The following LYZL1 variants were observed in gnomAD, a reference collection of about 807,000 sequenced individuals.
LYZL1 encodes lysozyme-like protein 1.
A neutral mutation model predicts 17.9 loss-of-function variants in LYZL1; 16 were observed. That is an observed-to-expected ratio of 0.90 (90% confidence interval 0.61 to 1.36). The LOEUF is 1.36. LYZL1 is among the 40% of genes most tolerant of loss of function. LYZL1 has a pLI of 0.00. For missense variants in LYZL1, 149 were observed against 188.4 expected, an observed-to-expected ratio of 0.79 and a Z score of 1.22; for synonymous variants, 58 against 71.8, an observed-to-expected ratio of 0.81 and a Z score of 0.97.
At chr10:29,289,412 C>A (rs1335844165) in intron 1 of LYZL1, among the ~76,000 whole-genome samples, 182 bp downstream of exon 1, 1 of 139,198 alleles carries the variant, frequency 7.2e-6, no homozygotes, top group Non-Finnish European at 1.5e-5. Context: ...TTTCTTTTTT[C>A]TTTTCTTTTT....
Position 29,310,256 on chromosome 10 carries a change from T to C in LYZL1, c.377+68T>C. The C allele has an allele frequency of 2.4e-6, 3 of 1,244,250 alleles. No homozygotes were observed. In the South Asian group the frequency reaches 3.9e-5, roughly 16 times the overall value. 77.1% of individuals were successfully genotyped at this position (1,244,250 alleles called of 1,614,324 possible). A position where few individuals can be genotyped will look rare whatever the true frequency, so the allele number is the denominator to read the frequency against. ...ACCTAGTGTGTGTATTTATCACAGT[T>C]ATGGTGGAATTGACAAACTCACCTC... On this transcript the variant is annotated intron_variant, in intron 4 of 4. Coordinates refer to ENST00000649382, the MANE Select transcript of LYZL1 (RefSeq NM_032517.6).
In LYZL1 at chr10:29,311,207, A is replaced by T; in HGVS notation, c.*148A>T. 6.3e-7 allele frequency: 1 copy of T among 1,578,566 alleles called. No individual in the cohort carries two copies. Among genetic ancestry groups the T allele is most frequent in the Non-Finnish European group, 8.6e-7 (1 of 1,165,078 alleles). ...TTAAGCTATACTTTTAAGAAAATAA[A>T]TATTTCCATTTAAATGTCTTCACCC... On this transcript the variant is annotated 3_prime_UTR_variant, in exon 5 of 5. Coordinates refer to ENST00000649382, the MANE Select transcript of LYZL1 (RefSeq NM_032517.6).
chr10:29,289,238 C>G lies in LYZL1; in HGVS notation c.-26+8C>G. The G allele has an allele frequency of 2.6e-6, 3 of 1,138,852 alleles. No homozygotes were observed. The highest frequency in any genetic ancestry group is 3.3e-6 in the Non-Finnish European group (3 of 897,450). The allele number at this position is 1,138,852 out of a possible 1,614,324, so 70.5% of individuals were successfully genotyped here. On this transcript the variant is annotated splice_region_variant and intron_variant, in intron 1 of 4. Coordinates refer to ENST00000649382, the MANE Select transcript of LYZL1 (RefSeq NM_032517.6). ...CAGGAATCTGCCTTTTCAGTAAGAC[C>G]TAAATTACTCTTATGAGAACCAGCA...
Position 29,310,184 on chromosome 10 carries a change from T to C in LYZL1, c.373T>C (p.Tyr125His). The change falls in exon 4 of 5, where the codon TAT (tyrosine) becomes CAT (histidine). Residue 125 changes from tyrosine to histidine, a missense_variant. Physicochemically the swap from Tyr to His is moderately conservative, Grantham distance 83. Transcript: ENST00000649382. ...KIVKETQGMNYWQGWKKHCEG... is the reference protein window; with the variant it reads ...KIVKETQGMNHWQGWKKHCEG... ...TGTTAAAGAGACACAAGGAATGAAC[T>C]ATTGGTAAGAGTGTTTTCTTGGGAG... 6.2e-7 allele frequency: 1 copy of C among 1,603,382 alleles called. No homozygotes were observed. The highest frequency in any genetic ancestry group is 8.5e-7 in the Non-Finnish European group (1 of 1,170,464).
chr10:29,316,707 C>CTTTT (rs201357117), intron 3 of LYZL1, among the ~76,000 whole-genome samples: 61 of 126,426 alleles, frequency 4.8e-4, no homozygotes, highest in African/African-American at 6.0e-4. Flanking sequence ...TTTCCTTTTC[C>CTTTT]TTTTTTTTTT....
At chr10:29,311,499 G>A (rs1046212695), downstream of LYZL1, among the ~76,000 whole-genome samples, 4 of 152,090 alleles carry the variant, frequency 2.6e-5, no homozygotes, top group Admixed American at 1.3e-4. Context: ...CAGAAGGACC[G>A]TCTATGCATG....
chr10:29,308,764 G>T (rs1835631396), intron 3 of LYZL1, among the ~76,000 whole-genome samples: 2 of 152,164 alleles, frequency 1.3e-5, no homozygotes, highest in Admixed American at 1.3e-4. Context: ...TTCAAGACCA[G>T]CCTGGCCAAC....
intron 3 of LYZL1, among the ~76,000 whole-genome samples, chr10:29,304,694 A>AG (rs1022033922): frequency 6.6e-6 from 1 of 152,156 alleles, no homozygotes; most frequent in East Asian, 1.9e-4. Flanking sequence ...TCATTTAAAA[A>AG]GTGCCATCTG....
intron 3 of LYZL1, among the ~76,000 whole-genome samples, chr10:29,300,562 T>A (rs1383573671): frequency 6.6e-6 from 1 of 152,198 alleles, no homozygotes; most frequent in East Asian, 1.9e-4. Flanking sequence ...CTATAATATT[T>A]ATTATGTATT....
At position 29,305,722 on chromosome 10, in the gene LYZL1, T is replaced by G. The variant is rs117360414; in HGVS notation, c.299-4388T>G. ...TGTTGTTTCAATTGCTATCTCTTAC[T>G]GATGATATATTTTGTCAGTTTTTCT... is the stretch of plus-strand genomic sequence containing the variant. On this transcript the variant is annotated intron_variant, in intron 3 of 4. Coordinates refer to ENST00000649382, the MANE Select transcript of LYZL1 (RefSeq NM_032517.6). Among the ~76,000 whole-genome samples, 48 of 152,382 alleles carry G rather than the reference T, an allele frequency of 3.1e-4. No individual in the cohort carries two copies. In the East Asian group the frequency reaches 8.1e-3, roughly 26 times the overall value.
chr10:29,309,655 C>T (rs111656243), intron 3 of LYZL1, among the ~76,000 whole-genome samples: 1 of 152,120 alleles, frequency 6.6e-6, no homozygotes, highest in African/African-American at 2.4e-5. Context: ...CACCATCCCA[C>T]CTGGCTAATT....
downstream of LYZL1, chr10:29,311,331 A>C (rs1247764350): frequency 2.0e-6 from 2 of 1,015,376 alleles, no homozygotes; most frequent in Middle Eastern, 3.9e-4. Flanking sequence ...TCCCTTCTTC[A>C]TTGTAGGGAG....
intron 3 of LYZL1, among the ~76,000 whole-genome samples, chr10:29,305,069 T>C (rs1209971252): frequency 1.3e-5 from 2 of 152,170 alleles, no homozygotes; most frequent in Middle Eastern, 3.2e-3. Flanking sequence ...TAGAATGTGA[T>C]CTGCTTCCTC....
intron 3 of LYZL1, among the ~76,000 whole-genome samples, chr10:29,305,963 C>T (rs1237486388): frequency 1.3e-5 from 2 of 152,190 alleles, no homozygotes; most frequent in Admixed American, 1.3e-4. Flanking sequence ...TGAAATGCAA[C>T]ATTTTATGCT....
At chr10:29,308,020 A>AAAAAC (rs1030422068) in intron 3 of LYZL1, among the ~76,000 whole-genome samples, 25 of 152,322 alleles carry the variant, frequency 1.6e-4, no homozygotes, top group Admixed American at 3.9e-4. Flanking sequence ...AATCAAAAAC[A>AAAAAC]AAAACAAAAC....
intron 3 of LYZL1, among the ~76,000 whole-genome samples, chr10:29,300,566 A>T (rs1835503739): frequency 6.6e-6 from 1 of 152,164 alleles, no homozygotes; most frequent in South Asian, 2.1e-4. Flanking sequence ...AATATTTATT[A>T]TGTATTTACT....
At chr10:29,290,274 T>G (rs1049182954) in intron 1 of LYZL1, among the ~76,000 whole-genome samples, 1 of 152,176 alleles carries the variant, frequency 6.6e-6, no homozygotes, top group Non-Finnish European at 1.5e-5. Context: ...GCAAGGCTGT[T>G]GTATTTGGGG....
intron 1 of LYZL1, among the ~76,000 whole-genome samples, chr10:29,290,907 A>T (rs1305469388): frequency 6.6e-6 from 1 of 152,206 alleles, no homozygotes; most frequent in Non-Finnish European, 1.5e-5. Flanking sequence ...GAACTGAATC[A>T]AGAAAAGAAA....
chr10:29,297,528 C>T (rs1382803728), intron 3 of LYZL1, among the ~76,000 whole-genome samples: 2 of 152,160 alleles, frequency 1.3e-5, no homozygotes, highest in Admixed American at 6.5e-5. Context: ...AAATTGCATG[C>T]CATTCTGAGT....
Sources: allele counts gnomAD v4.1 joint callset (sites outside exome capture counted in the v4.1 genomes callset), GRCh38; gene constraint gnomAD v4.1.1; transcripts MANE v1.5; gene names NCBI Gene and HGNC (gene_info 2026-07-23, HGNC 2026-07-21).